GRM1: variants seen among roughly 807,000 people sequenced by gnomAD.
GRM1 encodes the protein metabotropic glutamate receptor 1.
In GRM1, 33 loss-of-function variants were observed where a neutral mutation model predicts 90.9. That is an observed-to-expected ratio of 0.36 (90% confidence interval 0.28 to 0.49). The LOEUF is 0.49. Among genes scored for constraint, GRM1 ranks in the 20% least tolerant of loss-of-function variants. The pLI is 0.99. For missense variants in GRM1, 1,190 were observed against 1,534.3 expected (o/e 0.78, Z 3.75); for synonymous variants, 700 against 613.2 (o/e 1.14, Z -2.09).
intron 2 of GRM1, among the ~76,000 whole-genome samples, chr6:146,213,140 T>G (rs9497485): frequency 0.11 from 16,878 of 152,040 alleles, 1,843 homozygotes; most frequent in African/African-American, 0.28. Flanking sequence ...AAACTGAGAT[T>G]CACTTGGTTT....
intron 2 of GRM1, among the ~76,000 whole-genome samples, chr6:146,293,551 C>T (rs897965415): frequency 6.6e-6 from 1 of 151,928 alleles, no homozygotes; most frequent in Non-Finnish European, 1.5e-5. Context: ...GTGATATTGG[C>T]ATATATTTTC....
intron 5 of GRM1, among the ~76,000 whole-genome samples, 171 bp downstream of exon 5, chr6:146,357,865 A>G (rs775922600): frequency 3.9e-5 from 6 of 152,242 alleles, no homozygotes; most frequent in Non-Finnish European, 7.3e-5. Flanking sequence ...AGATTAGGAA[A>G]CAGAGTGAGT....
chr6:146,390,934 C>T (rs1776693162), intron 6 of GRM1, among the ~76,000 whole-genome samples: 1 of 151,932 alleles, frequency 6.6e-6, no homozygotes, highest in Non-Finnish European at 1.5e-5. Flanking sequence ...TTGATCTGAG[C>T]ACTGAATTAC....
At chr6:146,375,446 T>G (rs1776059283) in intron 5 of GRM1, among the ~76,000 whole-genome samples, 1 of 152,018 alleles carries the variant, frequency 6.6e-6, no homozygotes, top group African/African-American at 2.4e-5. Flanking sequence ...TGATGTTTCT[T>G]TGTTGATTTT....
At chr6:146,071,935 C>A (rs1776029779) in intron 1 of GRM1, among the ~76,000 whole-genome samples, 2 of 152,136 alleles carry the variant, frequency 1.3e-5, no homozygotes, top group African/African-American at 4.8e-5. Context: ...AAATTAACAG[C>A]TGAGAGCTGT....
chr6:146,171,363 A>G (rs1239712655), intron 2 of GRM1: 1 of 153,872 alleles, frequency 6.5e-6, no homozygotes, highest in Non-Finnish European at 1.5e-5. Flanking sequence ...GATCCTCTGC[A>G]TGTGCTTTTG....
At chr6:146,159,259 A>G (rs1583088018) in intron 1 of GRM1, 89 bp from the exon 2 acceptor site, 5 of 1,527,140 alleles carry the variant, frequency 3.3e-6, no homozygotes, top group Non-Finnish European at 4.5e-6. Context: ...CGTTCTCTCC[A>G]TTCCTGTGAC....
chr6:146,029,957 TC>T lies in GRM1; in HGVS notation c.446del (p.Pro149GlnfsTer11), dbSNP rs1207726214. ...CGGTGTCTGCCTGACGGCCAGTCCC[TC>T]CCCCCAGGCAGGACTAAGAAGCCCA... ...INRCLPDGQS[L>X]PPGRTKKPIA... On this transcript the variant is annotated frameshift_variant, in exon 1 of 8. Transcript: ENST00000282753. LOFTEE classifies it high-confidence loss of function. 1.2e-6 allele frequency: 2 copies of T among 1,613,334 alleles called. No individual in the cohort carries two copies. Among genetic ancestry groups the T allele is most frequent in the Admixed American group, 3.3e-5 (2 of 59,988 alleles).
At position 146,270,845 on chromosome 6, in the gene GRM1, TTCTTTTTCTTTCTTTC is replaced by T. The variant is rs1562570929; in HGVS notation, c.951-33764_951-33749del. 5.0e-3 allele frequency among the ~76,000 whole-genome samples: 736 copies of T among 146,424 alleles called. 12 individuals carry two copies. The highest frequency in any genetic ancestry group is 0.015 in the African/African-American group (564 of 38,510). On this transcript the variant is annotated intron_variant, in intron 2 of 7. Transcript: ENST00000282753. ...TGCCTGCCTGCCTGCCTGCCTTTCT[TTCTTTTTCTTTCTTTC>T]TTTCTTTCTTTCTTTCTTTCTTTCT...
intron 2 of GRM1, among the ~76,000 whole-genome samples, chr6:146,219,410 G>GA (rs1779979839): frequency 6.6e-6 from 1 of 152,078 alleles, no homozygotes; most frequent in South Asian, 2.1e-4. Context: ...GAGTAGCGCT[G>GA]AAAAATGAAG....
intron 2 of GRM1, among the ~76,000 whole-genome samples, chr6:146,259,952 A>G (rs1419996033): frequency 6.8e-6 from 1 of 148,006 alleles, no homozygotes; most frequent in Non-Finnish European, 1.5e-5. Flanking sequence ...CCTCACCAAT[A>G]CTTATTTATA....
intron 3 of GRM1, chr6:146,340,500 G>T (rs988872481): frequency 3.9e-5 from 6 of 152,276 alleles, no homozygotes; most frequent in Admixed American, 2.0e-4. Context: ...GTTAGTACTT[G>T]GATGAGAGAA....
At chr6:146,150,720 C>A (rs1777293682) in intron 1 of GRM1, among the ~76,000 whole-genome samples, 1 of 152,138 alleles carries the variant, frequency 6.6e-6, no homozygotes, top group Admixed American at 6.5e-5. Flanking sequence ...CCCACTACCA[C>A]TCCCAGCCTC....
chr6:146,036,218 T>A (rs1336396548), intron 1 of GRM1, among the ~76,000 whole-genome samples: 1 of 151,958 alleles, frequency 6.6e-6, no homozygotes, highest in African/African-American at 2.4e-5. Flanking sequence ...GGCATACACT[T>A]TTTTAAGAAC....
intron 2 of GRM1, among the ~76,000 whole-genome samples, chr6:146,297,402 C>T (rs560869956): frequency 4.6e-5 from 7 of 152,154 alleles, no homozygotes; most frequent in South Asian, 2.1e-4. Flanking sequence ...CCTCGTGATC[C>T]GCCTGCCTCG....
chr6:146,252,847 G>T (rs1166122556), intron 2 of GRM1, among the ~76,000 whole-genome samples: 3 of 152,050 alleles, frequency 2.0e-5, no homozygotes, highest in African/African-American at 7.2e-5. Flanking sequence ...AGATCATGAG[G>T]TTAAGAGATC....
intron 7 of GRM1, among the ~76,000 whole-genome samples, chr6:146,429,901 G>A (rs1309527570): frequency 6.6e-6 from 1 of 152,162 alleles, no homozygotes; most frequent in Non-Finnish European, 1.5e-5. Context: ...CCTTGTATCT[G>A]TTGTGAAGCT....
In GRM1 at chr6:146,325,746, T is replaced by C. The variant is rs28612971; in HGVS notation, c.1186+20900T>C. On this transcript the variant is annotated intron_variant, in intron 3 of 7. Coordinates refer to ENST00000282753, the MANE Select transcript of GRM1 (RefSeq NM_001278064.2). ...TTAATCTGTGAAGATTTCTGTCACA[T>C]TTTAATTTATATCTTTTTATATATC... 8.8e-3 allele frequency among the ~76,000 whole-genome samples: 1,337 copies of C among 152,344 alleles called. 13 individuals carry two copies. Among genetic ancestry groups the C allele is most frequent in the African/African-American group, 0.031 (1,285 of 41,578 alleles).
rs1777077536 is a variant in GRM1, at chr6:146,399,527, A to C, written c.2488A>C (p.Met830Leu). 1 of 1,614,036 alleles carries C rather than the reference A, an allele frequency of 6.2e-7. No individual in the cohort carries two copies. The highest frequency in any genetic ancestry group is 8.5e-7 in the Non-Finnish European group (1 of 1,180,028). Residue 830 changes from methionine to leucine, a missense_variant, in exon 7 of 8, where the codon ATG becomes CTG. Physicochemically the swap from Met to Leu is conservative, Grantham distance 15. This residue lies in a region of GRM1 where 73 missense variants were observed against 150.6 expected (regional missense o/e 0.48). Coordinates refer to ENST00000282753, the MANE Select transcript of GRM1 (RefSeq NM_001278064.2). This position sits in a 1 kb window ranked among gnomAD's most constrained non-coding sequence, Gnocchi z 5.4. The stretch of plus-strand genomic sequence containing the variant: ...CAGTGTAACAGTGGCTCTGGGGTGC[A>C]TGTTCACTCCCAAGATGTACATCAT... ...SLSVTVALGC[M>L]FTPKMYIIIA...
Sources: gnomAD v4.1 joint callset for allele counts (sites outside exome capture counted in the v4.1 genomes callset) on GRCh38, gnomAD v4.1.1 for gene constraint, gnomAD v4.1.1 regional missense constraint, Gnocchi (gnomAD v3.1) non-coding constraint, MANE v1.5 for transcripts, NCBI Gene and HGNC (gene_info 2026-07-23, HGNC 2026-07-21) for gene names.